Variants in HEMK2 observed in about 807,000 individuals in gnomAD.
The protein encoded by HEMK2 is HemK methyltransferase 2, ETF1 glutamine and histone H4 lysine.
chr21:28,627,875 G>T, the HEMK2 span, among the ~76,000 whole-genome samples: 4 of 152,112 alleles, frequency 2.6e-5, no homozygotes, highest in Non-Finnish European at 4.4e-5. Context: ...TTTGCATAGG[G>T]TGTAGCCTTT....
chr21:28,709,543 T>G, the HEMK2 span, among the ~76,000 whole-genome samples: 1 of 152,312 alleles, frequency 6.6e-6, no homozygotes, highest in East Asian at 1.9e-4. Context: ...ATAGAAAAAT[T>G]TCTTATATCC....
At chr21:28,719,911 C>T in the HEMK2 span, among the ~76,000 whole-genome samples, 1 of 152,342 alleles carries the variant, frequency 6.6e-6, no homozygotes, top group Middle Eastern at 3.4e-3. Flanking sequence ...AAGTCTGAGT[C>T]ACTTGCCACA....
At chr21:28,583,509 T>A in the HEMK2 span, among the ~76,000 whole-genome samples, 1 of 152,210 alleles carries the variant, frequency 6.6e-6, no homozygotes, top group African/African-American at 2.4e-5. Flanking sequence ...CAGAAGAACA[T>A]AGACCTTGAA....
At chr21:28,867,056 C>T in the HEMK2 span, among the ~76,000 whole-genome samples, 71,885 of 151,954 alleles carry the variant, frequency 0.47, 19,861 homozygotes, top group Non-Finnish European at 0.62. Flanking sequence ...AACTCATATA[C>T]ACTACTGGCA....
At chr21:28,883,936 A>T in the HEMK2 span, among the ~76,000 whole-genome samples, 89 of 152,316 alleles carry the variant, frequency 5.8e-4, 1 homozygote, top group African/African-American at 2.1e-3. Flanking sequence ...CCCCATTAAA[A>T]AGATCAGCTT....
At chr21:28,630,924 TATAATA>T in the HEMK2 span, among the ~76,000 whole-genome samples, 2 of 151,966 alleles carry the variant, frequency 1.3e-5, no homozygotes, top group Non-Finnish European at 2.9e-5. Flanking sequence ...AAACTTAAAG[TATAATA>T]ATAATAAAAT....
chr21:28,878,883 G>A, the HEMK2 span, among the ~76,000 whole-genome samples: 745 of 149,206 alleles, frequency 5.0e-3, 4 homozygotes, highest in Admixed American at 8.6e-3. Context: ...TTTAAAGTGT[G>A]AAACACATAG....
chr21:28,700,588 T>C, the HEMK2 span, among the ~76,000 whole-genome samples: 1 of 152,098 alleles, frequency 6.6e-6, no homozygotes, highest in Non-Finnish European at 1.5e-5. Flanking sequence ...CTTCCAAGAT[T>C]AAACCAGAAA....
chr21:28,782,879 T>A, the HEMK2 span, among the ~76,000 whole-genome samples: 1 of 152,188 alleles, frequency 6.6e-6, no homozygotes, highest in Non-Finnish European at 1.5e-5. Flanking sequence ...TATATCTCAA[T>A]AAAACTACTA....
chr21:28,748,494 T>G, the HEMK2 span, among the ~76,000 whole-genome samples: 1 of 152,200 alleles, frequency 6.6e-6, no homozygotes, highest in African/African-American at 2.4e-5. Context: ...CACACAAGTT[T>G]CCATCAAGTA....
chr21:28,883,340 T>C, the HEMK2 span, among the ~76,000 whole-genome samples: 2 of 152,226 alleles, frequency 1.3e-5, no homozygotes, highest in African/African-American at 4.8e-5. Flanking sequence ...AACAAACCAT[T>C]ACATTAAAAA....
the HEMK2 span, among the ~76,000 whole-genome samples, chr21:28,796,921 T>C: frequency 6.6e-6 from 1 of 152,244 alleles, no homozygotes; most frequent in Non-Finnish European, 1.5e-5. Context: ...CACTTCAATA[T>C]AAATTTCAAA....
At chr21:28,881,760 T>C in the HEMK2 span, among the ~76,000 whole-genome samples, 1 of 151,880 alleles carries the variant, frequency 6.6e-6, no homozygotes, top group South Asian at 2.1e-4. Flanking sequence ...GCCTCCCAAG[T>C]AGCTGGCACG....
At chr21:28,649,808 A>G in the HEMK2 span, among the ~76,000 whole-genome samples, 24 of 152,348 alleles carry the variant, frequency 1.6e-4, no homozygotes, top group Non-Finnish European at 2.9e-4. Context: ...AAGGAAGTGG[A>G]GAAGAAAATC....
chr21:28,616,335 T>C, the HEMK2 span, among the ~76,000 whole-genome samples: 14 of 152,150 alleles, frequency 9.2e-5, no homozygotes, highest in Non-Finnish European at 1.9e-4. Flanking sequence ...ATGACAAGAC[T>C]TGCCATTGAA....
the HEMK2 span, among the ~76,000 whole-genome samples, chr21:28,850,820 C>T: frequency 6.6e-6 from 1 of 152,120 alleles, no homozygotes; most frequent in African/African-American, 2.4e-5. Context: ...ATTAACCAGG[C>T]CCTTGTCTTC....
chr21:28,729,699 T>C, the HEMK2 span, among the ~76,000 whole-genome samples: 1 of 151,872 alleles, frequency 6.6e-6, no homozygotes, highest in Admixed American at 6.6e-5. Flanking sequence ...ATTTGTTTTG[T>C]GTTGCATTAA....
chr21:28,612,173 CA>C, the HEMK2 span, among the ~76,000 whole-genome samples: 5,385 of 118,096 alleles, frequency 0.046, 124 homozygotes, highest in African/African-American at 0.082. Context: ...CAAAAATCCT[CA>C]AAAAAAAAAA....
the HEMK2 span, among the ~76,000 whole-genome samples, chr21:28,774,253 G>T: frequency 6.6e-6 from 1 of 152,126 alleles, no homozygotes; most frequent in African/African-American, 2.4e-5. Context: ...AGGATATCTG[G>T]AGAATCAAGC....
Sources: allele counts gnomAD v4.1 joint callset (sites outside exome capture counted in the v4.1 genomes callset), GRCh38; gene constraint gnomAD v4.1.1; transcripts MANE v1.5; gene names NCBI Gene and HGNC (gene_info 2026-07-23, HGNC 2026-07-21).